The following MICAL2 variants were observed in gnomAD, a reference collection of about 807,000 sequenced individuals.
The protein encoded by MICAL2 is [F-actin]-monooxygenase MICAL2.
Under a neutral mutation model 127.3 loss-of-function variants are expected in MICAL2, and 77 were observed. The observed-to-expected ratio is 0.60, with a 90% CI of 0.50 to 0.73. The LOEUF is 0.73. MICAL2 is among the 30% of genes least tolerant of loss of function. The pLI is 0.00. For missense variants in MICAL2, 1,351 were observed against 1,434.4 expected (o/e 0.94, Z 0.94); for synonymous variants, 570 against 551.1 (o/e 1.03, Z -0.48).
chr11:12,137,454 G>A (rs1851938087), intron 1 of MICAL2, among the ~76,000 whole-genome samples: 1 of 152,246 alleles, frequency 6.6e-6, no homozygotes, highest in African/African-American at 2.4e-5. Context: ...GAGCCACTGA[G>A]ATCAAGCAGG....
intron 3 of MICAL2, among the ~76,000 whole-genome samples, chr11:12,166,298 G>T (rs914215371): frequency 6.6e-6 from 1 of 152,188 alleles, no homozygotes; most frequent in Non-Finnish European, 1.5e-5. Context: ...TTACTGGTTT[G>T]CTCTTATATT....
intron 1 of MICAL2, among the ~76,000 whole-genome samples, chr11:12,133,069 G>A (rs1358343140): frequency 6.6e-6 from 1 of 152,024 alleles, no homozygotes; most frequent in Non-Finnish European, 1.5e-5. Flanking sequence ...TTTTTTTTCT[G>A]TTGCTTTGTA....
At chr11:12,330,896 AGAGAGTGTGTGTGTGTGT>A (rs1257067106) in intron 32 of MICAL2, among the ~76,000 whole-genome samples, 28 of 116,846 alleles carry the variant, frequency 2.4e-4, no homozygotes, top group Non-Finnish European at 3.1e-4. Context: ...AGAGAGAGAG[AGAGAGTGTGTGTGTGTGT>A]GTGTGTGTGT....
At chr11:12,230,627 C>T (rs1351627144) in intron 15 of MICAL2, among the ~76,000 whole-genome samples, 4 of 152,180 alleles carry the variant, frequency 2.6e-5, no homozygotes, top group Non-Finnish European at 4.4e-5. Flanking sequence ...GTGGCATCTT[C>T]ATCTGAAGAG....
At chr11:12,321,317 T>C (rs1864292166) in intron 30 of MICAL2, among the ~76,000 whole-genome samples, 1 of 152,194 alleles carries the variant, frequency 6.6e-6, no homozygotes, top group Admixed American at 6.5e-5. Context: ...GAGGAGGTTT[T>C]CGTCCTCTGG....
At chr11:12,129,808 G>C (rs1409282219) in intron 1 of MICAL2, among the ~76,000 whole-genome samples, 1 of 151,872 alleles carries the variant, frequency 6.6e-6, no homozygotes, top group Non-Finnish European at 1.5e-5. Flanking sequence ...CCTGGGCCCA[G>C]ATGATCCTCC....
At chr11:12,203,640 C>A (rs780052501) in intron 3 of MICAL2, among the ~76,000 whole-genome samples, 2 of 152,038 alleles carry the variant, frequency 1.3e-5, no homozygotes, top group African/African-American at 2.4e-5. Flanking sequence ...TGTGAACATC[C>A]TTTATATGTT....
At chr11:12,264,400 C>CA (rs1349296878), downstream of MICAL2, among the ~76,000 whole-genome samples, 2 of 152,156 alleles carry the variant, frequency 1.3e-5, no homozygotes, top group Non-Finnish European at 2.9e-5. Context: ...GCCCTAGCAC[C>CA]ACCCGAAGTA....
downstream of MICAL2, among the ~76,000 whole-genome samples, chr11:12,295,109 A>G (rs930815841): frequency 1.6e-4 from 24 of 151,300 alleles, no homozygotes; most frequent in Non-Finnish European, 4.4e-5. Flanking sequence ...TTCCATAGGA[A>G]TATTTTTTAC....
intron 2 of MICAL2, among the ~76,000 whole-genome samples, chr11:12,140,406 C>A (rs1177911854): frequency 2.0e-5 from 3 of 152,148 alleles, no homozygotes; most frequent in African/African-American, 7.2e-5. Flanking sequence ...CCATGTCTCT[C>A]CTCTGCTAAA....
chr11:12,238,522 C>T (rs532952910), intron 16 of MICAL2, among the ~76,000 whole-genome samples: 6 of 152,256 alleles, frequency 3.9e-5, no homozygotes, highest in East Asian at 3.9e-4. Flanking sequence ...CAACATCAGA[C>T]CAACCCAGAT....
At position 12,262,508 on chromosome 11, in the gene MICAL2, A is replaced by G; in HGVS notation, c.3363A>G (p.Pro1121=). 1 of 1,613,410 alleles carries G rather than the reference A, an allele frequency of 6.2e-7. No homozygotes were observed. The highest frequency in any genetic ancestry group is 1.1e-5 in the South Asian group (1 of 91,040). The change falls in exon 27 of 28, where the codon CCA becomes CCG. Residue 1121 remains proline (P), a synonymous_variant. Coordinates refer to ENST00000683283, the MANE Select transcript of MICAL2 (RefSeq NM_001282663.2). ...PVHFSLPVLH[P]LLG is the part of the protein sequence containing the mutation. ...ATTTCAGCCTTCCAGTGCTACACCC[A>G]CTTCTTGGCTGACACACTTCTGCTC...
At chr11:12,158,963 C>A (rs949611780) in intron 2 of MICAL2, among the ~76,000 whole-genome samples, 1 of 152,192 alleles carries the variant, frequency 6.6e-6, no homozygotes, top group South Asian at 2.1e-4. Context: ...GGTCTGTGAC[C>A]TAACTTGGAA....
intron 2 of MICAL2, among the ~76,000 whole-genome samples, chr11:12,140,204 T>G (rs577259177): frequency 6.6e-6 from 1 of 152,374 alleles, no homozygotes; most frequent in East Asian, 1.9e-4. Flanking sequence ...TGTTGTATCA[T>G]TATTATTTAC....
chr11:12,264,434 C>A (rs987822497), downstream of MICAL2, among the ~76,000 whole-genome samples: 1 of 152,184 alleles, frequency 6.6e-6, no homozygotes, highest in African/African-American at 2.4e-5. Context: ...AGGCCCCAGG[C>A]AACTCCAGGC....
chr11:12,244,590 G>A (rs916566831), intron 21 of MICAL2, among the ~76,000 whole-genome samples: 16 of 152,140 alleles, frequency 1.1e-4, no homozygotes, highest in African/African-American at 3.9e-4. Context: ...GGTTTAAAGG[G>A]CAAGATTGTA....
rs796764843 is a variant in MICAL2 at position 12,152,952 on chromosome 11, G to GT, written c.-77-9116dup. Among the ~76,000 whole-genome samples, 1,033 of 145,016 alleles carry GT rather than the reference G, an allele frequency of 7.1e-3. 9 individuals carry two copies. The highest frequency in any genetic ancestry group is 0.023 in the African/African-American group (902 of 39,846). ...TGGTGATGGTGGTAGTGGTGGTAGG[G>GT]TTTTTTTTTTTGTTTGCATTTTATT... On this transcript the variant is annotated intron_variant, in intron 2 of 27. Transcript: ENST00000683283.
chr11:12,249,099 TA>T (rs1861170500), intron 21 of MICAL2, 84 bp from the exon 22 acceptor site: 2 of 1,579,394 alleles, frequency 1.3e-6, no homozygotes, highest in Admixed American at 3.4e-5. Context: ...AAGTATCCTG[TA>T]AAGCTTCTCT....
intron 21 of MICAL2, among the ~76,000 whole-genome samples, chr11:12,247,030 G>A (rs1462766004): frequency 1.3e-5 from 2 of 152,200 alleles, no homozygotes; most frequent in Admixed American, 1.3e-4. Flanking sequence ...GGTGGGGGCT[G>A]GAGAGCTCTT....
Sources: gnomAD v4.1 joint callset for allele counts (sites outside exome capture counted in the v4.1 genomes callset) on GRCh38, gnomAD v4.1.1 for gene constraint, MANE v1.5 for transcripts, NCBI Gene and HGNC (gene_info 2026-07-23, HGNC 2026-07-21) for gene names.